The following COMMD1 variants were observed in gnomAD, a reference collection of about 807,000 sequenced individuals.
COMMD1 encodes the protein copper metabolism domain containing 1, also known as COMM domain-containing protein 1.
A neutral mutation model predicts 17.2 loss-of-function variants in COMMD1; 10 were observed. The ratio of observed to expected loss-of-function variants is 0.58; its 90% confidence interval spans 0.36 to 0.99. The LOEUF is 0.99. Among genes scored for constraint, COMMD1 ranks in the 50% least tolerant of loss-of-function variants. The probability of loss-of-function intolerance (pLI) is 0.01; values close to 1 mark genes in which losing one functional copy is unlikely to be tolerated. For missense variants in COMMD1, 270 were observed against 231.8 expected (o/e 1.17, Z -1.07); for synonymous variants, 97 against 91.6 (o/e 1.06, Z -0.34).
At chr2:61,930,472 CTT>C (rs1444806704) in intron 1 of COMMD1, among the ~76,000 whole-genome samples, 1 of 152,132 alleles carries the variant, frequency 6.6e-6, no homozygotes, top group African/African-American at 2.4e-5. Flanking sequence ...AGTAGAATTT[CTT>C]GAACCTGTGA....
chr2:61,915,702 G>T (rs964080953), intron 1 of COMMD1: 5 of 453,006 alleles, frequency 1.1e-5, no homozygotes, highest in African/African-American at 1.0e-4. Flanking sequence ...TCCCCATATC[G>T]TCCAGGGTGG....
At chr2:62,006,854 G>C (rs1427294193) in intron 2 of COMMD1, among the ~76,000 whole-genome samples, 1 of 152,112 alleles carries the variant, frequency 6.6e-6, no homozygotes, top group Non-Finnish European at 1.5e-5. Context: ...ACACTAACTG[G>C]GGAGAAGGGA....
chr2:61,995,540 G>A (rs187386420), intron 1 of COMMD1, among the ~76,000 whole-genome samples: 4 of 152,294 alleles, frequency 2.6e-5, no homozygotes, highest in Non-Finnish European at 5.9e-5. Flanking sequence ...GATCTCTGAA[G>A]GCCAGCAACT....
chr2:61,915,101 G>A (rs1670015763), intron 1 of COMMD1, among the ~76,000 whole-genome samples: 1 of 151,136 alleles, frequency 6.6e-6, no homozygotes, highest in African/African-American at 2.4e-5. Context: ...GCCCCACCAG[G>A]TTCAAGCAAT....
At chr2:61,991,267 A>G (rs943101383) in intron 1 of COMMD1, among the ~76,000 whole-genome samples, 4 of 152,206 alleles carry the variant, frequency 2.6e-5, no homozygotes, top group African/African-American at 9.7e-5. Flanking sequence ...CTTATCTTAA[A>G]GAAGTTTATG....
upstream of COMMD1, among the ~76,000 whole-genome samples, chr2:61,905,240 T>C (rs1669740979): frequency 1.3e-5 from 2 of 152,294 alleles, no homozygotes; most frequent in Middle Eastern, 3.4e-3. Flanking sequence ...ATAGTTAAAC[T>C]TCCTGAAAAA....
intron 1 of COMMD1, among the ~76,000 whole-genome samples, chr2:61,911,993 A>T (rs1334092882): frequency 6.6e-6 from 1 of 152,104 alleles, no homozygotes. Flanking sequence ...CTCTACCTGA[A>T]CGTCATTTCC....
intron 1 of COMMD1, among the ~76,000 whole-genome samples, chr2:61,930,809 G>A (rs1670447260): frequency 6.6e-6 from 1 of 151,988 alleles, no homozygotes; most frequent in Non-Finnish European, 1.5e-5. Flanking sequence ...CTGAGGTAGT[G>A]TGTGTCTTTG....
At chr2:61,905,632 G>GT (rs760363565), upstream of COMMD1, 2 of 1,489,780 alleles carry the variant, frequency 1.3e-6, no homozygotes, top group African/African-American at 2.8e-5. Flanking sequence ...CTCGGCCGCC[G>GT]TGGCGGGGCA....
At chr2:62,076,566 G>C (rs1292250473) in intron 2 of COMMD1, among the ~76,000 whole-genome samples, 1 of 152,188 alleles carries the variant, frequency 6.6e-6, no homozygotes, top group Non-Finnish European at 1.5e-5. Context: ...TGGCAACATG[G>C]TGAAACCCCG....
intron 2 of COMMD1, among the ~76,000 whole-genome samples, chr2:62,104,907 C>T (rs1672286510): frequency 6.6e-6 from 1 of 151,952 alleles, no homozygotes. Context: ...GGGTGGATCA[C>T]CCGAGGTCAG....
intron 2 of COMMD1, among the ~76,000 whole-genome samples, chr2:62,006,414 A>G (rs921876067): frequency 6.6e-6 from 1 of 152,130 alleles, no homozygotes; most frequent in Admixed American, 6.5e-5. Flanking sequence ...AAATCACAGT[A>G]TATATTGCGA....
chr2:62,032,895 T>C (rs1277368087), intron 2 of COMMD1, among the ~76,000 whole-genome samples: 1 of 152,122 alleles, frequency 6.6e-6, no homozygotes, highest in Non-Finnish European at 1.5e-5. Flanking sequence ...CTCAGCCTCC[T>C]GAGTAGCTGG....
chr2:61,910,258 C>A (rs546751274), intron 1 of COMMD1, among the ~76,000 whole-genome samples: 3 of 151,772 alleles, frequency 2.0e-5, no homozygotes, highest in African/African-American at 4.8e-5. Flanking sequence ...ACTGCCCCCC[C>A]CTTTTTTTTT....
chr2:61,973,679 C>T (rs1015555390), intron 1 of COMMD1, among the ~76,000 whole-genome samples: 2 of 151,902 alleles, frequency 1.3e-5, no homozygotes, highest in African/African-American at 2.4e-5. Context: ...TGTAATAGTA[C>T]GTAGTATGTC....
At chr2:61,995,694 G>A (rs535754576) in intron 1 of COMMD1, among the ~76,000 whole-genome samples, 6 of 152,318 alleles carry the variant, frequency 3.9e-5, no homozygotes, top group African/African-American at 1.4e-4. Context: ...AGGGAAACCT[G>A]GCTTAACTGT....
intron 2 of COMMD1, among the ~76,000 whole-genome samples, chr2:62,018,630 G>C (rs1470935102): frequency 1.3e-5 from 2 of 152,114 alleles, no homozygotes; most frequent in Non-Finnish European, 2.9e-5. Flanking sequence ...AAAAAAACTC[G>C]ATGTTTTGAT....
intron 1 of COMMD1, among the ~76,000 whole-genome samples, chr2:61,979,629 C>T (rs1041521972): frequency 6.6e-6 from 1 of 152,132 alleles, no homozygotes; most frequent in Non-Finnish European, 1.5e-5. Flanking sequence ...TTGAGGAACT[C>T]CAAACTGTTT....
At chr2:62,079,116 G>A (rs990450388) in intron 2 of COMMD1, among the ~76,000 whole-genome samples, 7 of 152,116 alleles carry the variant, frequency 4.6e-5, no homozygotes, top group Admixed American at 1.3e-4. Context: ...AAGGGGTCCC[G>A]AACCAGACCC....
Sources: allele counts gnomAD v4.1 joint callset (sites outside exome capture counted in the v4.1 genomes callset), GRCh38; gene constraint gnomAD v4.1.1; transcripts MANE v1.5; gene names NCBI Gene and HGNC (gene_info 2026-07-23, HGNC 2026-07-21).